The following SHC3 variants were observed in gnomAD, a reference collection of about 807,000 sequenced individuals.
The protein encoded by SHC3 is SHC-transforming protein 3.
Under a neutral mutation model 60.4 loss-of-function variants are expected in SHC3, and 15 were observed. The observed-to-expected ratio is 0.25, with a 90% CI of 0.17 to 0.38. The LOEUF is 0.38. SHC3 is among the 10% of genes least tolerant of loss of function. The pLI is 1.00. For synonymous variants in SHC3, 294 were observed against 325.9 expected (o/e 0.90, Z 1.05); for missense variants, 677 against 786.1 (o/e 0.86, Z 1.66).
chr9:89,032,445 G>T (rs975308061), intron 11 of SHC3, among the ~76,000 whole-genome samples: 1 of 152,136 alleles, frequency 6.6e-6, no homozygotes, highest in Non-Finnish European at 1.5e-5. Context: ...TGCCCACCTC[G>T]CTTAGCTGGT....
At chr9:89,115,120 C>T (rs1053743728) in intron 1 of SHC3, among the ~76,000 whole-genome samples, 2 of 152,150 alleles carry the variant, frequency 1.3e-5, no homozygotes, top group Non-Finnish European at 1.5e-5. Context: ...GTACCACCTG[C>T]ATCAACTTCA....
chr9:89,053,047 T>C (rs558971900), intron 6 of SHC3, among the ~76,000 whole-genome samples: 3 of 152,280 alleles, frequency 2.0e-5, no homozygotes, highest in Admixed American at 6.5e-5. Flanking sequence ...TACTGGAAAA[T>C]ACCTCTACTC....
At chr9:89,035,378 A>G (rs1400171520) in intron 11 of SHC3, among the ~76,000 whole-genome samples, 1 of 146,868 alleles carries the variant, frequency 6.8e-6, no homozygotes, top group Admixed American at 6.6e-5. Flanking sequence ...AAAGAAGAAT[A>G]TATATATGAA....
intron 11 of SHC3, among the ~76,000 whole-genome samples, chr9:89,021,592 T>C (rs1298359741): frequency 6.6e-5 from 10 of 152,200 alleles, no homozygotes. Context: ...AAGTGAGCAG[T>C]GGCTCTCCCT....
At chr9:89,125,878 A>G (rs1826157021) in intron 1 of SHC3, among the ~76,000 whole-genome samples, 1 of 152,158 alleles carries the variant, frequency 6.6e-6, no homozygotes, top group African/African-American at 2.4e-5. Flanking sequence ...TCAAAAAATA[A>G]CCATAAAAAT....
At chr9:89,041,638 C>T (rs1312731250) in intron 10 of SHC3, among the ~76,000 whole-genome samples, 2 of 152,212 alleles carry the variant, frequency 1.3e-5, no homozygotes, top group East Asian at 3.8e-4. Context: ...GCTTCATAGA[C>T]CTAGAGATCC....
chr9:89,131,662 T>C (rs1826246440), intron 1 of SHC3, among the ~76,000 whole-genome samples: 1 of 152,112 alleles, frequency 6.6e-6, no homozygotes, highest in Non-Finnish European at 1.5e-5. Flanking sequence ...AAAAACCACA[T>C]GATTATCTCA....
chr9:89,136,443 C>A (rs79367639), intron 1 of SHC3, among the ~76,000 whole-genome samples: 1 of 152,118 alleles, frequency 6.6e-6, no homozygotes, highest in Non-Finnish European at 1.5e-5. Flanking sequence ...ACAGAGATGG[C>A]GATGAGAGTG....
intron 6 of SHC3, among the ~76,000 whole-genome samples, chr9:89,059,666 C>CA (rs1491491152): frequency 6.5e-4 from 34 of 52,406 alleles, no homozygotes; most frequent in East Asian, 1.9e-3. Context: ...TGGTGGAGGA[C>CA]GTGGTGGAGG....
intron 1 of SHC3, among the ~76,000 whole-genome samples, chr9:89,119,941 A>G (rs17054741): frequency 0.013 from 2,032 of 152,302 alleles, 20 homozygotes; most frequent in South Asian, 0.034. Context: ...CCATTGAAGA[A>G]AGGATGAGCC....
intron 11 of SHC3, among the ~76,000 whole-genome samples, chr9:89,015,278 G>A (rs1253714795): frequency 6.6e-6 from 1 of 152,266 alleles, no homozygotes; most frequent in Admixed American, 6.5e-5. Context: ...ATTCCTTAAC[G>A]ACTGACACTC....
At position 89,131,186 on chromosome 9, in the gene SHC3, C is replaced by T. The variant is rs897363288; in HGVS notation, c.475-18560G>A. Among the ~76,000 whole-genome samples the T allele has an allele frequency of 5.3e-5, 8 of 152,162 alleles. No homozygotes were observed. In the South Asian group the frequency reaches 8.3e-4, roughly 16 times the overall value. On this transcript the variant is annotated intron_variant, in intron 1 of 11. Transcript: ENST00000375835. ...AAATTGACAAATTCCTGGACACATA[C>T]ACCCTCCCAAGACTAAACAAGGAAG...
At chr9:89,160,736 C>A (rs1336591483) in intron 1 of SHC3, among the ~76,000 whole-genome samples, 1 of 152,152 alleles carries the variant, frequency 6.6e-6, no homozygotes, top group Non-Finnish European at 1.5e-5. Flanking sequence ...TTACGGAAAC[C>A]TTTCTGTAAT....
At chr9:89,076,033 C>A (rs889265637) in intron 3 of SHC3, among the ~76,000 whole-genome samples, 1 of 152,024 alleles carries the variant, frequency 6.6e-6, no homozygotes, top group African/African-American at 2.4e-5. Context: ...CCTTTTTAAT[C>A]CCCTGAAGGA....
chr9:89,148,388 T>A (rs981498168), intron 1 of SHC3, among the ~76,000 whole-genome samples: 1 of 152,246 alleles, frequency 6.6e-6, no homozygotes, highest in Non-Finnish European at 1.5e-5. Flanking sequence ...TAACCTCCTG[T>A]GACTCTGTAA....
rs1002582878 is a variant in SHC3 at position 89,011,195 on chromosome 9, T to C, written c.*2252A>G. The C allele has an allele frequency of 6.6e-6, 1 of 152,260 alleles. No homozygotes were observed. Among genetic ancestry groups the C allele is most frequent in the Non-Finnish European group, 1.5e-5 (1 of 68,044 alleles). 9.4% of individuals were successfully genotyped at this position (152,260 alleles called of 1,614,324 possible). A position where few individuals can be genotyped will look rare whatever the true frequency, so the allele number is the denominator to read the frequency against. ...AAGAAAAAATTCGACTCCAATACTT[T>C]AAATTTTCTAAATTGATTCTCATGC... is the stretch of plus-strand genomic sequence containing the variant. On this transcript the variant is annotated 3_prime_UTR_variant, in exon 12 of 12. Transcript: ENST00000375835.
At chr9:89,099,946 T>G (rs535436514) in intron 2 of SHC3, among the ~76,000 whole-genome samples, 34 of 152,356 alleles carry the variant, frequency 2.2e-4, no homozygotes, top group African/African-American at 7.9e-4. Context: ...CATAGTTATT[T>G]TCTCTGAATT....
At chr9:89,043,451 T>A (rs1404930759) in intron 9 of SHC3, among the ~76,000 whole-genome samples, 12 of 152,160 alleles carry the variant, frequency 7.9e-5, no homozygotes. Context: ...CATTAAAAAA[T>A]TTTAAAAGGA....
In SHC3 at chr9:89,013,494, C is replaced by A. The variant is rs910083034; in HGVS notation, c.1738G>T (p.Ala580Ser). 1.9e-6 allele frequency: 3 copies of A among 1,613,870 alleles called. No homozygotes were observed. In the South Asian group the frequency reaches 3.3e-5, roughly 18 times the overall value. The change falls in exon 12 of 12, where the codon GCA becomes TCA. Residue 580 changes from alanine (A) to serine (S), a missense_variant. Coordinates refer to ENST00000375835, the MANE Select transcript of SHC3 (RefSeq NM_016848.6). Reference sequence around the variant, plus strand: ...TGCTGGAGACACAGCTCACTCCCTGCAGAGACAATGGGCAGGCTGCTTTCT... The same window carrying A: ...TGCTGGAGACACAGCTCACTCCCTGAAGAGACAATGGGCAGGCTGCTTTCT... Reference protein sequence around the residue: ...HLESSLPIVSAGSELCLQQPV... With the variant: ...HLESSLPIVSSGSELCLQQPV...
Sources: allele counts gnomAD v4.1 joint callset (sites outside exome capture counted in the v4.1 genomes callset), GRCh38; gene constraint gnomAD v4.1.1; transcripts MANE v1.5; gene names NCBI Gene and HGNC (gene_info 2026-07-23, HGNC 2026-07-21).